The following TMEFF2 variants were observed in gnomAD, a reference collection of about 807,000 sequenced individuals.
TMEFF2 encodes transmembrane protein with EGF like and two follistatin like domains 2.
A neutral mutation model predicts 53.8 loss-of-function variants in TMEFF2; 28 were observed. The observed-to-expected ratio is 0.52, with a 90% CI of 0.39 to 0.71. The LOEUF is 0.71. Ranked by LOEUF, TMEFF2 falls within the 30% of genes least tolerant of loss-of-function variation. TMEFF2 has a pLI of 0.00. For missense variants in TMEFF2, 353 were observed against 455.2 expected (o/e 0.78, Z 2.04); for synonymous variants, 162 against 166.3 (o/e 0.97, Z 0.20).
At chr2:192,000,328 C>T (rs1198010620) in intron 5 of TMEFF2, among the ~76,000 whole-genome samples, 2 of 152,248 alleles carry the variant, frequency 1.3e-5, no homozygotes, top group Admixed American at 1.3e-4. Context: ...ATGCTAGACT[C>T]TCAACATGTA....
chr2:192,075,296 T>TATATATAAATATATAA (rs1357041628), intron 4 of TMEFF2, among the ~76,000 whole-genome samples: 3 of 32,966 alleles, frequency 9.1e-5, no homozygotes, highest in South Asian at 1.5e-3. Flanking sequence ...TATATATATA[T>TATATATAAATATATAA]ATATATATAT....
At chr2:192,189,584 A>G (rs1232748499) in intron 2 of TMEFF2, among the ~76,000 whole-genome samples, 2 of 145,616 alleles carry the variant, frequency 1.4e-5, no homozygotes, top group Non-Finnish European at 3.0e-5. Flanking sequence ...GCACGCTTGT[A>G]CCTGAAAAGG....
chr2:192,083,858 A>G (rs150622228), intron 4 of TMEFF2, among the ~76,000 whole-genome samples: 24 of 152,110 alleles, frequency 1.6e-4, no homozygotes, highest in Non-Finnish European at 2.9e-4. Context: ...AACTCATGCA[A>G]TTAGAGTTAG....
intron 4 of TMEFF2, among the ~76,000 whole-genome samples, chr2:192,108,432 A>C (rs1689201162): frequency 6.6e-6 from 1 of 151,930 alleles, no homozygotes; most frequent in African/African-American, 2.4e-5. Context: ...TCTTTACACT[A>C]AAAGTCTTTT....
At chr2:192,080,943 G>A (rs1415378440) in intron 4 of TMEFF2, among the ~76,000 whole-genome samples, 1 of 152,004 alleles carries the variant, frequency 6.6e-6, no homozygotes, top group East Asian at 1.9e-4. Flanking sequence ...ACTATCCTTT[G>A]TGCTTTTATT....
chr2:192,075,405 T>C (rs1004105243), intron 4 of TMEFF2, among the ~76,000 whole-genome samples: 1 of 148,270 alleles, frequency 6.7e-6, no homozygotes, highest in Admixed American at 6.8e-5. Context: ...TGTATAAATT[T>C]TGCTCTGTGA....
chr2:191,978,102 C>T (rs1458043965), intron 7 of TMEFF2, among the ~76,000 whole-genome samples: 1 of 152,090 alleles, frequency 6.6e-6, no homozygotes, highest in African/African-American at 2.4e-5. Context: ...TGAACATGTT[C>T]TTTTGATACG....
chr2:192,057,899 A>T (rs1687950650), intron 4 of TMEFF2, 124 bp from the exon 5 acceptor site: 3 of 719,586 alleles, frequency 4.2e-6, no homozygotes, highest in Non-Finnish European at 7.2e-6. Flanking sequence ...GAAGCTTCAT[A>T]AGAATGTCAA....
At chr2:192,072,823 T>C (rs1273378980) in intron 4 of TMEFF2, among the ~76,000 whole-genome samples, 1 of 151,910 alleles carries the variant, frequency 6.6e-6, no homozygotes, top group African/African-American at 2.4e-5. Context: ...TTAGTCTATA[T>C]AGTAGTCCAC....
chr2:191,978,494 A>G (rs955299960), intron 7 of TMEFF2, among the ~76,000 whole-genome samples: 1 of 151,800 alleles, frequency 6.6e-6, no homozygotes, highest in Non-Finnish European at 1.5e-5. Context: ...ATCTATCTGA[A>G]GACCACCCTG....
chr2:192,092,305 T>C (rs191492832), intron 4 of TMEFF2, among the ~76,000 whole-genome samples: 22 of 152,298 alleles, frequency 1.4e-4, no homozygotes, highest in African/African-American at 4.1e-4. Flanking sequence ...TTTTCTATAT[T>C]TATTTTCAAA....
chr2:192,004,692 G>C (rs1686456761), intron 5 of TMEFF2, among the ~76,000 whole-genome samples: 1 of 152,126 alleles, frequency 6.6e-6, no homozygotes, highest in Non-Finnish European at 1.5e-5. Context: ...ATAATGTAAT[G>C]GTGAAACTGC....
chr2:192,101,123 G>A (rs1303239912), intron 4 of TMEFF2, among the ~76,000 whole-genome samples: 1 of 152,116 alleles, frequency 6.6e-6, no homozygotes, highest in Non-Finnish European at 1.5e-5. Flanking sequence ...AGTATACCAT[G>A]AAAAAGAAAT....
intron 7 of TMEFF2, among the ~76,000 whole-genome samples, chr2:191,957,361 G>A (rs770392448): frequency 1.3e-5 from 2 of 152,024 alleles, no homozygotes; most frequent in Non-Finnish European, 2.9e-5. Flanking sequence ...AACTCAATCT[G>A]AAGACACTCT....
At chr2:191,954,288 C>T (rs371968698) in intron 8 of TMEFF2, among the ~76,000 whole-genome samples, 1 of 151,814 alleles carries the variant, frequency 6.6e-6, no homozygotes, top group African/African-American at 2.4e-5. Flanking sequence ...GGCTATGGCT[C>T]TCAACTACTT....
At chr2:192,016,977 G>T (rs1450337125) in intron 5 of TMEFF2, among the ~76,000 whole-genome samples, 2 of 152,214 alleles carry the variant, frequency 1.3e-5, no homozygotes, top group Non-Finnish European at 2.9e-5. Flanking sequence ...AGAGGCAAAT[G>T]CAAGGCTGCA....
At chr2:192,148,298 G>A (rs1690302163) in intron 4 of TMEFF2, among the ~76,000 whole-genome samples, 1 of 151,970 alleles carries the variant, frequency 6.6e-6, no homozygotes, top group Non-Finnish European at 1.5e-5. Context: ...GAAAGTGTTG[G>A]ATCTGAAAGG....
chr2:192,165,082 G>C (rs1047978962), intron 4 of TMEFF2, among the ~76,000 whole-genome samples: 1 of 151,430 alleles, frequency 6.6e-6, no homozygotes, highest in East Asian at 1.9e-4. Flanking sequence ...AAATAGCACA[G>C]ATGTTTCTAT....
At chr2:192,017,141 T>A (rs1473913553) in intron 5 of TMEFF2, among the ~76,000 whole-genome samples, 2 of 152,086 alleles carry the variant, frequency 1.3e-5, no homozygotes, top group African/African-American at 2.4e-5. Context: ...AAGCCATTGT[T>A]TAAGGAGCTA....
Sources: gnomAD v4.1 joint callset for allele counts (sites outside exome capture counted in the v4.1 genomes callset) on GRCh38, gnomAD v4.1.1 for gene constraint, MANE v1.5 for transcripts, NCBI Gene and HGNC (gene_info 2026-07-23, HGNC 2026-07-21) for gene names.